Variants in MYO1E observed in about 807,000 individuals in gnomAD.
MYO1E encodes unconventional myosin-Ie.
A neutral mutation model predicts 151.1 loss-of-function variants in MYO1E; 68 were observed. That is an observed-to-expected ratio of 0.45 (90% CI 0.37 to 0.55). The LOEUF (loss-of-function observed/expected upper bound fraction) is 0.55. Among genes scored for constraint, MYO1E ranks in the 20% least tolerant of loss-of-function variants. MYO1E has a pLI of 0.00. For synonymous variants in MYO1E, 601 were observed against 501.7 expected (o/e 1.20, Z -2.64); for missense variants, 1,363 against 1,389.3 (o/e 0.98, Z 0.30).
In MYO1E at chr15:59,138,246, C is replaced by T; in HGVS notation, c.3202G>A (p.Asp1068Asn). 1 of 1,614,220 alleles carries T rather than the reference C, an allele frequency of 6.2e-7. No individual in the cohort carries two copies. Residue 1068 changes from aspartate (D) to asparagine (N), a missense_variant, in exon 27 of 28, where the codon GAC becomes AAC. Transcript: ENST00000288235. ...ALYAYDAQDT[D>N]ELSFNANDII... ...TCATTGGCATTAAAGCTGAGTTCGT[C>T]TGTGTCCTGAGCGTCATAGGCATAC...
At position 59,274,347 on chromosome 15, in the gene MYO1E, A is replaced by G. The variant is rs367947449; in HGVS notation, c.4-1898T>C. On this transcript the variant is annotated intron_variant, in intron 1 of 27. Transcript: ENST00000288235. Reference sequence around the variant, plus strand: ...CTCTTGTGGCAAAGCAGAAAGAGAAAAAAGCACTGGCCACAGCATGACTCA... The same window carrying G: ...CTCTTGTGGCAAAGCAGAAAGAGAAGAAAGCACTGGCCACAGCATGACTCA... Among the ~76,000 whole-genome samples the G allele has an allele frequency of 5.0e-4, 76 of 152,314 alleles. 5 individuals are homozygous for G. The highest frequency in any genetic ancestry group is 1.7e-3 in the African/African-American group (69 of 41,568).
intron 19 of MYO1E, among the ~76,000 whole-genome samples, chr15:59,175,523 C>A (rs1221713884): frequency 1.3e-5 from 2 of 152,112 alleles, no homozygotes; most frequent in African/African-American, 4.8e-5. Context: ...CTCCAAACAC[C>A]AGGGGAGGGA....
intron 26 of MYO1E, among the ~76,000 whole-genome samples, chr15:59,147,487 G>A (rs995770399): frequency 3.3e-5 from 5 of 149,872 alleles, no homozygotes; most frequent in Non-Finnish European, 5.9e-5. Context: ...AGCTGCTTGC[G>A]AGGTTGAGGC....
intron 1 of MYO1E, among the ~76,000 whole-genome samples, chr15:59,288,987 A>G (rs2080403897): frequency 6.6e-6 from 1 of 152,246 alleles, no homozygotes; most frequent in South Asian, 2.1e-4. Flanking sequence ...GGGGCAGAAT[A>G]CTTACATATT....
At chr15:59,174,094 T>C in intron 20 of MYO1E, 32 bp downstream of exon 20, 3 of 1,582,306 alleles carry the variant, frequency 1.9e-6, no homozygotes, top group Non-Finnish European at 2.6e-6. Context: ...TTCAGATTTA[T>C]TAAAATCAAT....
chr15:59,297,826 C>T (rs1475394629), intron 1 of MYO1E, among the ~76,000 whole-genome samples: 1 of 152,052 alleles, frequency 6.6e-6, no homozygotes, highest in Non-Finnish European at 1.5e-5. Context: ...GAGTGATCCT[C>T]CCACCGTGGG....
rs140321095 is a variant in MYO1E at position 59,207,598 on chromosome 15, C to T, written c.1530+1083G>A. 1,581 of 1,614,084 alleles carry T rather than the reference C, an allele frequency of 9.8e-4. No homozygotes were observed. The highest frequency in any genetic ancestry group is 1.3e-3 in the Non-Finnish European group (1,481 of 1,180,018). On this transcript the variant is annotated intron_variant, in intron 14 of 27. Coordinates refer to ENST00000288235, the MANE Select transcript of MYO1E (RefSeq NM_004998.4). Reference sequence around the variant, plus strand: ...CTGTAATCTGGATACTGCTCGTTTTCGTTTCTTGATTGGACAAAAGCTTGG... The same window carrying T: ...CTGTAATCTGGATACTGCTCGTTTTTGTTTCTTGATTGGACAAAAGCTTGG...
At chr15:59,232,155 C>T (rs1288553003) in intron 5 of MYO1E, among the ~76,000 whole-genome samples, 2 of 152,186 alleles carry the variant, frequency 1.3e-5, no homozygotes, top group African/African-American at 4.8e-5. Context: ...GGTCTTTCTT[C>T]TCACTACCCC....
intron 26 of MYO1E, 69 bp downstream of exon 26, chr15:59,153,521 T>C (rs2079493026): frequency 1.3e-6 from 2 of 1,540,184 alleles, no homozygotes; most frequent in Admixed American, 3.4e-5. Flanking sequence ...CACAGGAATC[T>C]CTGAACCCTT....
At chr15:59,203,606 C>G (rs1403388340) in intron 15 of MYO1E, among the ~76,000 whole-genome samples, 1 of 152,130 alleles carries the variant, frequency 6.6e-6, no homozygotes, top group Non-Finnish European at 1.5e-5. Flanking sequence ...GATCTCTTGA[C>G]CTCGTGATCC....
chr15:59,216,666 G>GTATATATATATATA (rs368761394), intron 10 of MYO1E, among the ~76,000 whole-genome samples: 1 of 30,878 alleles, frequency 3.2e-5, no homozygotes, highest in Non-Finnish European at 7.0e-5. Context: ...GTGTGTATGT[G>GTATATATATATATA]TATATATATA....
chr15:59,179,162 C>G (rs903095487), intron 18 of MYO1E, among the ~76,000 whole-genome samples: 1 of 152,160 alleles, frequency 6.6e-6, no homozygotes, highest in Non-Finnish European at 1.5e-5. Context: ...GCTCTCCCCT[C>G]TACTGGTGTG....
chr15:59,202,287 C>T (rs1427820549), intron 16 of MYO1E, 39 bp downstream of exon 16: 2 of 1,567,338 alleles, frequency 1.3e-6, no homozygotes, highest in Middle Eastern at 1.7e-4. Flanking sequence ...AAGCGCTAGC[C>T]CTTATAAGAA....
At chr15:59,215,883 C>A (rs2079910769) in intron 10 of MYO1E, among the ~76,000 whole-genome samples, 2 of 152,086 alleles carry the variant, frequency 1.3e-5, no homozygotes, top group African/African-American at 4.8e-5. Context: ...CTGCACCACC[C>A]CCTTGCTGAC....
At chr15:59,158,986 AGAG>A (rs1486821017) in intron 24 of MYO1E, among the ~76,000 whole-genome samples, 2 of 152,240 alleles carry the variant, frequency 1.3e-5, no homozygotes, top group African/African-American at 4.8e-5. Flanking sequence ...CAGAGGAGCC[AGAG>A]GAGATCTCTG....
chr15:59,353,079 T>C (rs1596439471), intron 1 of MYO1E, among the ~76,000 whole-genome samples: 1 of 152,184 alleles, frequency 6.6e-6, no homozygotes, highest in African/African-American at 2.4e-5. Context: ...ATTTTTAAGT[T>C]TCTTCAACCT....
At chr15:59,217,859 A>T (rs368275853) in intron 10 of MYO1E, 32 bp downstream of exon 10, 6 of 1,609,100 alleles carry the variant, frequency 3.7e-6, no homozygotes, top group African/African-American at 1.3e-5. Context: ...CTAAGATATG[A>T]AGCATCACCA....
At chr15:59,192,278 G>A (rs554826680) in intron 17 of MYO1E, among the ~76,000 whole-genome samples, 3 of 150,736 alleles carry the variant, frequency 2.0e-5, no homozygotes, top group African/African-American at 7.3e-5. Flanking sequence ...ATTCTTTGCT[G>A]CAATTCAAAG....
At chr15:59,174,283 C>T in intron 19 of MYO1E, 43 bp from the exon 20 acceptor site, 1 of 1,397,160 alleles carries the variant, frequency 7.2e-7, no homozygotes, top group Non-Finnish European at 1.0e-6. Context: ...GCCCCAAGCC[C>T]CAATCCCTGA....
Sources: gnomAD v4.1 joint callset for allele counts (sites outside exome capture counted in the v4.1 genomes callset) on GRCh38, gnomAD v4.1.1 for gene constraint, MANE v1.5 for transcripts, NCBI Gene and HGNC (gene_info 2026-07-23, HGNC 2026-07-21) for gene names.